The following SORCS2 variants were observed in gnomAD, a reference collection of about 807,000 sequenced individuals.
SORCS2 encodes VPS10 domain-containing receptor SorCS2.
Under a neutral mutation model 141.6 loss-of-function variants are expected in SORCS2, and 100 were observed. The observed-to-expected ratio is 0.71, with a 90% CI of 0.60 to 0.83. The LOEUF is 0.83. Ranked by LOEUF, SORCS2 falls within the 40% of genes least tolerant of loss-of-function variation. The probability of loss-of-function intolerance (pLI) is 0.00; values close to 1 mark genes in which losing one functional copy is unlikely to be tolerated. For synonymous variants in SORCS2, 789 were observed against 676.9 expected (o/e 1.17, Z -2.57); for missense variants, 1,646 against 1,560.2 (o/e 1.05, Z -0.93).
At chr4:7,303,808 TCTGTCCG>T (rs1717606879) in intron 1 of SORCS2, among the ~76,000 whole-genome samples, 14 of 152,378 alleles carry the variant, frequency 9.2e-5, no homozygotes, top group African/African-American at 2.9e-4. Flanking sequence ...TCGGCGCGTC[TCTGTCCG>T]GCTGCCACAG....
At chr4:7,468,955 T>C (rs1729797175) in intron 2 of SORCS2, among the ~76,000 whole-genome samples, 1 of 152,222 alleles carries the variant, frequency 6.6e-6, no homozygotes, top group Admixed American at 6.5e-5. Context: ...TGAACTGCAA[T>C]GTGCTCATTT....
chr4:7,703,389 C>T lies in SORCS2; in HGVS notation c.1760+18C>T. ...ATCCTCAAGTAATGGCGTCTGCTAG[C>T]CCCGGGGCAGGGAGGGCAGGCTGGG... On this transcript the variant is annotated intron_variant, in intron 13 of 26. Coordinates refer to ENST00000507866, the MANE Select transcript of SORCS2 (RefSeq NM_020777.3). The T allele has an allele frequency of 6.2e-7, 1 of 1,605,050 alleles. No individual in the cohort carries two copies. Among genetic ancestry groups the T allele is most frequent in the South Asian group, 1.1e-5 (1 of 89,496 alleles).
At chr4:7,446,060 C>A (rs1727973415) in intron 2 of SORCS2, among the ~76,000 whole-genome samples, 1 of 152,088 alleles carries the variant, frequency 6.6e-6, no homozygotes, top group Non-Finnish European at 1.5e-5. Context: ...ATTTCTTCCC[C>A]CTTCCTTCCT....
At chr4:7,597,219 A>G (rs935603108) in intron 3 of SORCS2, among the ~76,000 whole-genome samples, 3 of 148,032 alleles carry the variant, frequency 2.0e-5, no homozygotes, top group Non-Finnish European at 4.5e-5. Context: ...GCAATAGGGA[A>G]GGAGGCTATT....
intron 3 of SORCS2, among the ~76,000 whole-genome samples, chr4:7,597,308 C>G (rs992002763): frequency 2.7e-5 from 4 of 146,176 alleles, no homozygotes; most frequent in Admixed American, 2.1e-4. Context: ...AGATGGGGCT[C>G]TTGCAATGGG....
rs181186078 is a variant in SORCS2, at chr4:7,578,191, C to T, written c.648+46562C>T. On this transcript the variant is annotated intron_variant, in intron 3 of 26. Transcript: ENST00000507866. The stretch of plus-strand genomic sequence containing the variant: ...GTACCTTTCATGTTTGGTCTCTTTG[C>T]GAACGATCATTTCTACTTCTATTTC... Among the ~76,000 whole-genome samples, 393 of 152,290 alleles carry T rather than the reference C, an allele frequency of 2.6e-3. 3 individuals carry two copies. The highest frequency in any genetic ancestry group is 0.016 in the South Asian group (79 of 4,828).
intron 2 of SORCS2, among the ~76,000 whole-genome samples, chr4:7,456,522 G>T (rs536131142): frequency 6.6e-6 from 1 of 152,096 alleles, no homozygotes. Flanking sequence ...AAAATGGTCC[G>T]GGCACTGTTG....
At chr4:7,645,461 A>C (rs1265225519) in intron 4 of SORCS2, among the ~76,000 whole-genome samples, 1 of 152,032 alleles carries the variant, frequency 6.6e-6, no homozygotes, top group Non-Finnish European at 1.5e-5. Context: ...GTGAGTATGT[A>C]TATGCATGTA....
chr4:7,534,286 G>GCCTCTACA (rs1170228898), intron 3 of SORCS2, among the ~76,000 whole-genome samples: 1 of 152,136 alleles, frequency 6.6e-6, no homozygotes, highest in Non-Finnish European at 1.5e-5. Flanking sequence ...AGAGGACAGT[G>GCCTCTACA]CCTGTGCTGG....
At chr4:7,501,035 C>T (rs1291407972) in intron 2 of SORCS2, among the ~76,000 whole-genome samples, 1 of 152,208 alleles carries the variant, frequency 6.6e-6, no homozygotes, top group Non-Finnish European at 1.5e-5. Context: ...TAGCATCTCG[C>T]ACAGGTGATT....
At chr4:7,435,102 A>G in intron 2 of SORCS2, 1 of 567,982 alleles carries the variant, frequency 1.8e-6, no homozygotes, top group Non-Finnish European at 3.0e-6. Flanking sequence ...GGATAAGATA[A>G]ACTCTTAGCA....
chr4:7,508,923 C>CGGCT (rs1457432125), intron 2 of SORCS2, among the ~76,000 whole-genome samples: 4 of 152,190 alleles, frequency 2.6e-5, no homozygotes, highest in African/African-American at 2.4e-5. Context: ...GGAGGGGGCC[C>CGGCT]GGCTGCAAGC....
At chr4:7,297,233 C>T (rs1717135452) in intron 1 of SORCS2, among the ~76,000 whole-genome samples, 1 of 152,168 alleles carries the variant, frequency 6.6e-6, no homozygotes, top group African/African-American at 2.4e-5. Flanking sequence ...CCCCGGCACT[C>T]CCAGCTCGGG....
intron 3 of SORCS2, among the ~76,000 whole-genome samples, chr4:7,601,819 CT>C (rs1717707240): frequency 6.6e-6 from 1 of 152,036 alleles, no homozygotes; most frequent in South Asian, 2.1e-4. Flanking sequence ...ACCCTGCCGC[CT>C]TCCGCAGTGT....
chr4:7,227,542 T>G (rs1463315475), intron 1 of SORCS2, among the ~76,000 whole-genome samples: 2 of 152,102 alleles, frequency 1.3e-5, no homozygotes, highest in African/African-American at 4.8e-5. Flanking sequence ...TCTTGAGATT[T>G]GGTGGAAGGT....
intron 1 of SORCS2, among the ~76,000 whole-genome samples, chr4:7,202,439 A>C (rs1219280172): frequency 1.3e-5 from 2 of 152,258 alleles, no homozygotes; most frequent in African/African-American, 4.8e-5. Context: ...TATAGCAGTC[A>C]GTTACTGTAT....
At chr4:7,241,146 C>G (rs1376452278) in intron 1 of SORCS2, among the ~76,000 whole-genome samples, 2 of 152,076 alleles carry the variant, frequency 1.3e-5, no homozygotes, top group Non-Finnish European at 2.9e-5. Context: ...ACCATGTTGG[C>G]CAGGCTGGTT....
chr4:7,420,736 G>A (rs943877757), intron 2 of SORCS2, among the ~76,000 whole-genome samples: 4 of 152,178 alleles, frequency 2.6e-5, no homozygotes, highest in East Asian at 1.9e-4. Flanking sequence ...AGAGGACTCC[G>A]TGGGATTCAG....
intron 14 of SORCS2, among the ~76,000 whole-genome samples, chr4:7,711,233 C>G (rs193072955): frequency 6.6e-6 from 1 of 152,198 alleles, no homozygotes; most frequent in South Asian, 2.1e-4. Flanking sequence ...AAGCATGGAC[C>G]GCCGCAGGCT....
Sources: gnomAD v4.1 joint callset for allele counts (sites outside exome capture counted in the v4.1 genomes callset) on GRCh38, gnomAD v4.1.1 for gene constraint, MANE v1.5 for transcripts, NCBI Gene and HGNC (gene_info 2026-07-23, HGNC 2026-07-21) for gene names.